Variants in ACACA observed in about 807,000 individuals in gnomAD.
The protein encoded by ACACA is acetyl-CoA carboxylase alpha.
A neutral mutation model predicts 296.1 loss-of-function variants in ACACA; 103 were observed. The observed-to-expected ratio is 0.35, with a 90% CI of 0.30 to 0.41. The LOEUF is 0.41. Among genes scored for constraint, ACACA ranks in the 10% least tolerant of loss-of-function variants. ACACA has a pLI of 1.00. For synonymous variants in ACACA, 953 were observed against 1,038.6 expected, an observed-to-expected ratio of 0.92 and a Z score of 1.58; for missense variants, 1,554 against 2,989.7, an observed-to-expected ratio of 0.52 and a Z score of 11.20.
At chr17:37,144,616 T>C (rs142717485) in intron 45 of ACACA, among the ~76,000 whole-genome samples, 2 of 152,268 alleles carry the variant, frequency 1.3e-5, no homozygotes, top group Non-Finnish European at 2.9e-5. Flanking sequence ...TCATACTGCA[T>C]AGCTGCAGAA....
chr17:37,242,674 C>A (rs755766419), intron 22 of ACACA, among the ~76,000 whole-genome samples: 1 of 152,040 alleles, frequency 6.6e-6, no homozygotes, highest in African/African-American at 2.4e-5. Context: ...AAGGCTACAG[C>A]GAGCCATGAC....
chr17:37,190,040 AAGC>A (rs1180580479), intron 38 of ACACA, among the ~76,000 whole-genome samples: 1 of 151,710 alleles, frequency 6.6e-6, no homozygotes, highest in African/African-American at 2.4e-5. Flanking sequence ...AAAAAAAAAA[AAGC>A]AGCAGCAGCA....
intron 52 of ACACA, among the ~76,000 whole-genome samples, chr17:37,108,830 T>A (rs1181432415): frequency 7.9e-5 from 12 of 152,294 alleles, no homozygotes; most frequent in Non-Finnish European, 1.3e-4. Flanking sequence ...TTCTCCTAAA[T>A]CAGATTTTCT....
rs188671889 is a variant in ACACA at position 37,157,327 on chromosome 17, G to A, written c.5350-1547C>T. 2.4e-4 allele frequency among the ~76,000 whole-genome samples: 37 copies of A among 152,232 alleles called. No homozygotes were observed. In the East Asian group the frequency reaches 7.2e-3, roughly 29 times the overall value. ...TTCGCAGGTTTAAGAAAGCAGAGTC[G>A]GGTAGAGCCAATGTGTGGAATGGTC... On this transcript the variant is annotated intron_variant, in intron 42 of 55. Coordinates refer to ENST00000616317, the MANE Select transcript of ACACA (RefSeq NM_198834.3).
At chr17:37,377,995 T>C in intron 1 of ACACA, 1 of 1,600,502 alleles carries the variant, frequency 6.2e-7, no homozygotes, top group Non-Finnish European at 8.6e-7. Flanking sequence ...TGGAAAATGA[T>C]ATTGCCATTC....
chr17:37,346,757 T>G (rs1197385011), intron 1 of ACACA, among the ~76,000 whole-genome samples: 1 of 151,740 alleles, frequency 6.6e-6, no homozygotes, highest in Non-Finnish European at 1.5e-5. Context: ...TGGAATTGCA[T>G]GGAGCCTGTA....
At chr17:37,095,155 T>C (rs1019124978) in intron 54 of ACACA, among the ~76,000 whole-genome samples, 2 of 152,222 alleles carry the variant, frequency 1.3e-5, no homozygotes, top group African/African-American at 4.8e-5. Flanking sequence ...ACTAATGTGG[T>C]AGGGAGGCAG....
At chr17:37,123,160 T>C (rs549486224) in intron 48 of ACACA, among the ~76,000 whole-genome samples, 2 of 152,236 alleles carry the variant, frequency 1.3e-5, no homozygotes, top group South Asian at 4.1e-4. Context: ...ATTAGGTGTG[T>C]GGATAGGGAG....
chr17:37,296,225 C>T (rs532134684), intron 3 of ACACA, among the ~76,000 whole-genome samples: 1 of 151,958 alleles, frequency 6.6e-6, no homozygotes, highest in Non-Finnish European at 1.5e-5. Context: ...GGGTTCCCTG[C>T]CTCCAGGTCC....
At chr17:37,255,438 AAGG>A (rs1308663714) in intron 14 of ACACA, among the ~76,000 whole-genome samples, 1 of 152,218 alleles carries the variant, frequency 6.6e-6, no homozygotes, top group African/African-American at 2.4e-5. Flanking sequence ...TAGTGTCAAG[AAGG>A]AGACTTATTG....
At chr17:37,324,244 T>C (rs2047484644) in intron 3 of ACACA, among the ~76,000 whole-genome samples, 1 of 151,842 alleles carries the variant, frequency 6.6e-6, no homozygotes. Context: ...CGCATGCCTG[T>C]AGTCCCAGCT....
At chr17:37,404,170 A>G (rs888239573) in intron 1 of ACACA, among the ~76,000 whole-genome samples, 3 of 152,216 alleles carry the variant, frequency 2.0e-5, no homozygotes, top group Non-Finnish European at 4.4e-5. Context: ...ATTGTTGACA[A>G]TCATGACATC....
chr17:37,205,872 C>T lies in ACACA; in HGVS notation c.3949G>A (p.Val1317Ile), dbSNP rs2078475062. 2 of 1,609,988 alleles carry T rather than the reference C, an allele frequency of 1.2e-6. No homozygotes were observed. The highest frequency in any genetic ancestry group is 1.7e-4 in the Middle Eastern group (1 of 6,054). ...ATGTGAATTGGTTCATCCCTGGGAA[C>T]CTGTAACTCAAGAACACAAGTCAAA... ...GHTSLYDEDK[V>I]PRDEPIHILN... The change falls in exon 33 of 56, where the codon GTT becomes ATT. Residue 1317 changes from valine to isoleucine, a missense_variant and splice_region_variant. Physicochemically the swap from Val to Ile is conservative, Grantham distance 29 (BLOSUM62 3). Coordinates refer to ENST00000616317, the MANE Select transcript of ACACA (RefSeq NM_198834.3).
At chr17:37,272,749 T>C (rs1190432280) in intron 9 of ACACA, among the ~76,000 whole-genome samples, 2 of 152,054 alleles carry the variant, frequency 1.3e-5, no homozygotes, top group Non-Finnish European at 2.9e-5. Context: ...TAGAAAAAAG[T>C]ATTATGATTA....
chr17:37,089,106 G>A (rs758221119), intron 54 of ACACA, 32 bp from the exon 55 acceptor site: 1 of 1,613,922 alleles, frequency 6.2e-7, no homozygotes, highest in Non-Finnish European at 8.5e-7. Flanking sequence ...TCAAACACCA[G>A]GGGTCAGGCC....
At chr17:37,156,872 G>A (rs1211647772) in intron 42 of ACACA, among the ~76,000 whole-genome samples, 2 of 152,216 alleles carry the variant, frequency 1.3e-5, no homozygotes, top group African/African-American at 4.8e-5. Context: ...ATAAATCTGC[G>A]ATTGGTCTTG....
At chr17:37,367,416 T>C (rs2049647529) in intron 1 of ACACA, among the ~76,000 whole-genome samples, 1 of 152,164 alleles carries the variant, frequency 6.6e-6, no homozygotes, top group Non-Finnish European at 1.5e-5. Context: ...GCAGCAACTC[T>C]ACCTTCTCTG....
intron 54 of ACACA, 96 bp downstream of exon 54, chr17:37,096,900 C>T: frequency 1.4e-6 from 2 of 1,457,322 alleles, no homozygotes; most frequent in Non-Finnish European, 1.9e-6. Flanking sequence ...TACTCCTGCC[C>T]TTAGAGGCCT....
At chr17:37,390,175 T>TATATATATATATAC (rs60788220) in intron 1 of ACACA, among the ~76,000 whole-genome samples, 10 of 44,514 alleles carry the variant, frequency 2.2e-4, no homozygotes, top group African/African-American at 9.3e-4. Flanking sequence ...TATATATATA[T>TATATATATATATAC]ACACACACAC....
Sources: allele counts gnomAD v4.1 joint callset (sites outside exome capture counted in the v4.1 genomes callset), GRCh38; gene constraint gnomAD v4.1.1; transcripts MANE v1.5; gene names NCBI Gene and HGNC (gene_info 2026-07-23, HGNC 2026-07-21).